The following EPHA6 variants were observed in gnomAD, a reference collection of about 807,000 sequenced individuals.
EPHA6 encodes the protein ephrin type-A receptor 6.
EPHA6 carries 50 observed loss-of-function variants against 112.0 expected under a neutral mutation model. The ratio of observed to expected loss-of-function variants is 0.45; its 90% confidence interval spans 0.36 to 0.56. The LOEUF (loss-of-function observed/expected upper bound fraction) is 0.56. EPHA6 is among the 20% of genes least tolerant of loss of function. The pLI is 0.00. For synonymous variants in EPHA6, 529 were observed against 490.7 expected (o/e 1.08, Z -1.03); for missense variants, 1,280 against 1,417.4 (o/e 0.90, Z 1.56).
intron 2 of EPHA6, among the ~76,000 whole-genome samples, chr3:96,975,499 A>G (rs1229921221): frequency 2.0e-5 from 3 of 152,170 alleles, no homozygotes; most frequent in Admixed American, 6.6e-5. Flanking sequence ...TATGAAAATA[A>G]AAATACCTGT....
rs551219516 is a variant in EPHA6, at chr3:97,130,298, T to C, written c.1115-95966T>C. Among the ~76,000 whole-genome samples, 201 of 152,266 alleles carry C rather than the reference T, an allele frequency of 1.3e-3. 1 individual carries two copies. Among genetic ancestry groups the C allele is most frequent in the Non-Finnish European group, 1.6e-3 (106 of 68,004 alleles). The stretch of plus-strand genomic sequence containing the variant: ...TTTCTCTTTTTCTTCATTTTTTCTC[T>C]AGTTACCATCTGTCAAACTGGATAT... On this transcript the variant is annotated intron_variant, in intron 3 of 17. Coordinates refer to ENST00000389672, the MANE Select transcript of EPHA6 (RefSeq NM_001080448.3).
intron 5 of EPHA6, among the ~76,000 whole-genome samples, chr3:97,272,940 G>A (rs1450474570): frequency 2.6e-5 from 4 of 152,088 alleles, no homozygotes; most frequent in African/African-American, 9.7e-5. Context: ...TTGGGGGGTG[G>A]TATGGAGAGA....
chr3:97,570,502 C>T (rs781170704), intron 11 of EPHA6, among the ~76,000 whole-genome samples: 164 of 152,106 alleles, frequency 1.1e-3, no homozygotes, highest in Non-Finnish European at 1.3e-3. Context: ...GAGGCTGAGG[C>T]AGGTGGATCA....
In EPHA6 at chr3:97,747,552, GATTTCAAGAATGAGCATTGAGTAAGTGAT is replaced by G; in HGVS notation, c.3260_3278+10del. 1 of 1,606,664 alleles carries G rather than the reference GATTTCAAGAATGAGCATTGAGTAAGTGAT, an allele frequency of 6.2e-7. No homozygotes were observed. The highest frequency in any genetic ancestry group is 2.3e-5 in the East Asian group (1 of 44,388). ...CAGCAGGGTTTACAACATTTGACCT[GATTTCAAGAATGAGCATTGAGTAAGTGAT>G]ACTAGGTTTATTACTGTAACGAGAT... On this transcript the variant is annotated splice_donor_variant and splice_donor_5th_base_variant and coding_sequence_variant and intron_variant, in exon 17 of 18. Transcript: ENST00000389672. LOFTEE classifies it high-confidence loss of function.
chr3:97,549,264 G>A (rs1225481333), intron 11 of EPHA6, among the ~76,000 whole-genome samples: 1 of 152,102 alleles, frequency 6.6e-6, no homozygotes, highest in Non-Finnish European at 1.5e-5. Context: ...TCTTGTGCTT[G>A]ATTTAATCTT....
At chr3:96,893,563 C>A (rs1172269913) in intron 2 of EPHA6, among the ~76,000 whole-genome samples, 2 of 152,138 alleles carry the variant, frequency 1.3e-5, no homozygotes, top group African/African-American at 2.4e-5. Context: ...ACCAGTCAGG[C>A]GTGTCCCATT....
intron 2 of EPHA6, among the ~76,000 whole-genome samples, chr3:96,926,657 G>GC (rs2040050462): frequency 6.6e-6 from 1 of 152,254 alleles, no homozygotes; most frequent in African/African-American, 2.4e-5. Flanking sequence ...CAGGCCCCAT[G>GC]CAAGTCCAAA....
At chr3:97,291,395 G>C (rs1166327284) in intron 5 of EPHA6, among the ~76,000 whole-genome samples, 1 of 152,090 alleles carries the variant, frequency 6.6e-6, no homozygotes, top group East Asian at 1.9e-4. Flanking sequence ...TCTGGTCATT[G>C]TTTCTTTGTT....
intron 14 of EPHA6, among the ~76,000 whole-genome samples, chr3:97,717,097 G>A (rs1240157102): frequency 6.6e-6 from 1 of 151,860 alleles, no homozygotes; most frequent in Non-Finnish European, 1.5e-5. Flanking sequence ...TGGGCGTGGT[G>A]GCAGGTGACT....
intron 7 of EPHA6, among the ~76,000 whole-genome samples, chr3:97,457,116 T>TAA (rs2090716322): frequency 6.6e-6 from 1 of 152,316 alleles, no homozygotes; most frequent in Non-Finnish European, 1.5e-5. Flanking sequence ...GTTGGAATGA[T>TAA]TCTTAATTGT....
intron 5 of EPHA6, among the ~76,000 whole-genome samples, chr3:97,268,983 G>A (rs1294777409): frequency 6.6e-5 from 10 of 152,078 alleles, no homozygotes; most frequent in South Asian, 2.1e-4. Context: ...TACTTATGGC[G>A]TGGGAGAACA....
intron 3 of EPHA6, among the ~76,000 whole-genome samples, chr3:97,085,948 T>TATATATATATATATATAC (rs984404779): frequency 1.7e-4 from 24 of 145,168 alleles, no homozygotes; most frequent in Middle Eastern, 3.5e-3. Context: ...TATATATATA[T>TATATATATATATATATAC]ACACACTGAG....
chr3:96,967,290 TATATA>T (rs1365966913), intron 2 of EPHA6, among the ~76,000 whole-genome samples: 2 of 150,062 alleles, frequency 1.3e-5, no homozygotes, highest in Non-Finnish European at 3.0e-5. Context: ...TGTATTACAT[TATATA>T]ATATATGATA....
At chr3:97,291,975 G>A (rs995372132) in intron 5 of EPHA6, among the ~76,000 whole-genome samples, 1 of 152,230 alleles carries the variant, frequency 6.6e-6, no homozygotes, top group African/African-American at 2.4e-5. Context: ...CCAAGGGCAA[G>A]CCAGGCACGG....
chr3:97,611,585 T>G (rs779054845), intron 13 of EPHA6, among the ~76,000 whole-genome samples: 1 of 151,778 alleles, frequency 6.6e-6, no homozygotes, highest in Non-Finnish European at 1.5e-5. Context: ...AAGTGAAATA[T>G]AAAAAATAAA....
chr3:97,242,229 A>G (rs1253616401), intron 4 of EPHA6, among the ~76,000 whole-genome samples: 1 of 151,786 alleles, frequency 6.6e-6, no homozygotes, highest in African/African-American at 2.4e-5. Flanking sequence ...TGAGCCTAGC[A>G]GTCCTGCACT....
At chr3:96,950,594 A>G (rs2041486203) in intron 2 of EPHA6, among the ~76,000 whole-genome samples, 1 of 152,168 alleles carries the variant, frequency 6.6e-6, no homozygotes, top group African/African-American at 2.4e-5. Flanking sequence ...AGAGAAATAA[A>G]TCATCATTAT....
intron 5 of EPHA6, among the ~76,000 whole-genome samples, chr3:97,290,180 T>C (rs2080626280): frequency 6.6e-6 from 1 of 152,148 alleles, no homozygotes; most frequent in African/African-American, 2.4e-5. Flanking sequence ...TTCAAAGAAT[T>C]TTTTAAATTC....
chr3:97,563,997 A>G (rs4857274), intron 11 of EPHA6, among the ~76,000 whole-genome samples: 43,747 of 152,044 alleles, frequency 0.29, 10,010 homozygotes, highest in African/African-American at 0.63. Flanking sequence ...AATTCAGAAG[A>G]TGGAGGCTAA....
Sources: allele counts gnomAD v4.1 joint callset (sites outside exome capture counted in the v4.1 genomes callset), GRCh38; gene constraint gnomAD v4.1.1; transcripts MANE v1.5; gene names NCBI Gene and HGNC (gene_info 2026-07-23, HGNC 2026-07-21).